Variants in CNTN1 observed in about 807,000 individuals in gnomAD.
CNTN1 encodes the protein contactin-1.
In CNTN1, 38 loss-of-function variants were observed where a neutral mutation model predicts 126.4. The observed-to-expected ratio is 0.30, with a 90% CI of 0.23 to 0.39. The LOEUF (loss-of-function observed/expected upper bound fraction) is 0.39. Among genes scored for constraint, CNTN1 ranks in the 10% least tolerant of loss-of-function variants. The probability of loss-of-function intolerance (pLI) is 1.00; values close to 1 mark genes in which losing one functional copy is unlikely to be tolerated. For synonymous variants in CNTN1, 413 were observed against 422.6 expected (o/e 0.98, Z 0.28); for missense variants, 1,009 against 1,248.4 (o/e 0.81, Z 2.89).
intron 17 of CNTN1, among the ~76,000 whole-genome samples, chr12:41,010,285 G>T (rs982921928): frequency 2.0e-5 from 3 of 152,130 alleles, no homozygotes; most frequent in African/African-American, 7.2e-5. Context: ...TTCATCTCTG[G>T]GGGCAGTCCG....
intron 19 of CNTN1, among the ~76,000 whole-genome samples, chr12:41,019,673 T>C (rs1403773627): frequency 6.6e-6 from 1 of 151,882 alleles, no homozygotes; most frequent in Non-Finnish European, 1.5e-5. Flanking sequence ...CATATTTGAC[T>C]TGATGCCCAG....
At chr12:40,990,413 A>G (rs1297310211) in intron 16 of CNTN1, among the ~76,000 whole-genome samples, 1 of 152,034 alleles carries the variant, frequency 6.6e-6, no homozygotes, top group Non-Finnish European at 1.5e-5. Flanking sequence ...GGTTCTTCCT[A>G]GGGTCCACCT....
intron 15 of CNTN1, among the ~76,000 whole-genome samples, chr12:40,976,551 A>G (rs1419565999): frequency 6.6e-6 from 1 of 152,066 alleles, no homozygotes; most frequent in Non-Finnish European, 1.5e-5. Flanking sequence ...AAGAAAAAAA[A>G]AAAAGAAAGA....
At chr12:40,752,639 G>T (rs1938447607) in intron 1 of CNTN1, among the ~76,000 whole-genome samples, 1 of 151,912 alleles carries the variant, frequency 6.6e-6, no homozygotes, top group African/African-American at 2.4e-5. Context: ...ATAGTATATT[G>T]TTTATAATTC....
At chr12:40,792,700 A>T (rs1442678669) in intron 1 of CNTN1, among the ~76,000 whole-genome samples, 4 of 151,964 alleles carry the variant, frequency 2.6e-5, no homozygotes, top group Non-Finnish European at 5.9e-5. Flanking sequence ...TTGAACTATG[A>T]GGTGTTGACT....
At chr12:40,780,721 A>T (rs1326469304) in intron 1 of CNTN1, among the ~76,000 whole-genome samples, 1 of 150,626 alleles carries the variant, frequency 6.6e-6, no homozygotes, top group Non-Finnish European at 1.5e-5. Context: ...CCTCATTTCA[A>T]GGTTCATCTC....
At chr12:40,754,256 C>T (rs1002918928) in intron 1 of CNTN1, among the ~76,000 whole-genome samples, 1 of 152,010 alleles carries the variant, frequency 6.6e-6, no homozygotes, top group African/African-American at 2.4e-5. Flanking sequence ...TACTGGCTAT[C>T]CCTATAGTCA....
chr12:40,791,695 T>C (rs972369103), intron 1 of CNTN1, among the ~76,000 whole-genome samples: 16 of 152,126 alleles, frequency 1.1e-4, no homozygotes, highest in Non-Finnish European at 2.4e-4. Context: ...AGCTAATAAA[T>C]AGTAGAAACT....
At chr12:40,911,304 T>A (rs1474443973) in intron 3 of CNTN1, among the ~76,000 whole-genome samples, 1 of 151,934 alleles carries the variant, frequency 6.6e-6, no homozygotes, top group Non-Finnish European at 1.5e-5. Flanking sequence ...ATGGTCTCAA[T>A]CTCCTGACCT....
intron 6 of CNTN1, among the ~76,000 whole-genome samples, chr12:40,925,593 A>G (rs1048819842): frequency 9.8e-5 from 13 of 132,862 alleles, no homozygotes; most frequent in East Asian, 4.0e-4. Context: ...ATATACATGT[A>G]TATATATATA....
intron 1 of CNTN1, among the ~76,000 whole-genome samples, chr12:40,800,912 G>A (rs998782240): frequency 6.6e-6 from 1 of 151,846 alleles, no homozygotes; most frequent in African/African-American, 2.4e-5. Flanking sequence ...TTAGGGCATA[G>A]GTAGGATTGT....
chr12:40,925,343 C>G (rs905564726), intron 6 of CNTN1, among the ~76,000 whole-genome samples: 40 of 151,456 alleles, frequency 2.6e-4, no homozygotes, highest in African/African-American at 9.2e-4. Context: ...AATCATGTTT[C>G]TATTCTTTTA....
chr12:40,900,390 G>A (rs1944562426), intron 1 of CNTN1, among the ~76,000 whole-genome samples: 1 of 152,090 alleles, frequency 6.6e-6, no homozygotes, highest in Non-Finnish European at 1.5e-5. Flanking sequence ...TTTTTAGGTG[G>A]TAGCAAAAAT....
At chr12:40,948,924 G>A (rs970755190) in intron 14 of CNTN1, among the ~76,000 whole-genome samples, 1 of 152,176 alleles carries the variant, frequency 6.6e-6, no homozygotes, top group African/African-American at 2.4e-5. Flanking sequence ...ATGATCCCCT[G>A]TAGACAGGTA....
intron 1 of CNTN1, among the ~76,000 whole-genome samples, chr12:40,812,165 T>A (rs1321616287): frequency 1.3e-5 from 2 of 152,130 alleles, no homozygotes; most frequent in Non-Finnish European, 2.9e-5. Flanking sequence ...TTCAGGAGCA[T>A]ATTGTTTAAT....
chr12:40,935,378 A>G (rs1722666720), intron 9 of CNTN1, among the ~76,000 whole-genome samples: 1 of 152,128 alleles, frequency 6.6e-6, no homozygotes, highest in African/African-American at 2.4e-5. Context: ...ACTGTCTAAT[A>G]TCTAAAGCCT....
intron 16 of CNTN1, among the ~76,000 whole-genome samples, chr12:40,988,842 G>C (rs1048436723): frequency 1.3e-5 from 2 of 152,140 alleles, no homozygotes; most frequent in African/African-American, 4.8e-5. Context: ...TTAAAAGAGA[G>C]ATGCCTCTAA....
intron 17 of CNTN1, among the ~76,000 whole-genome samples, chr12:41,008,389 GT>G (rs1948556724): frequency 6.6e-6 from 1 of 150,454 alleles, no homozygotes; most frequent in African/African-American, 2.5e-5. Context: ...TATCAGAAGT[GT>G]TGATATAAAA....
chr12:40,930,508 C>T (rs1001022282), intron 7 of CNTN1, among the ~76,000 whole-genome samples: 1 of 151,942 alleles, frequency 6.6e-6, no homozygotes, highest in Non-Finnish European at 1.5e-5. Flanking sequence ...TGAGGTGCTA[C>T]CCTGGTAGCA....
Sources: gnomAD v4.1 joint callset for allele counts (sites outside exome capture counted in the v4.1 genomes callset) on GRCh38, gnomAD v4.1.1 for gene constraint, MANE v1.5 for transcripts, NCBI Gene and HGNC (gene_info 2026-07-23, HGNC 2026-07-21) for gene names.